Variants in ATP11A observed in about 807,000 individuals in gnomAD.
ATP11A encodes the protein phospholipid-transporting ATPase IH.
A neutral mutation model predicts 154.4 loss-of-function variants in ATP11A; 81 were observed. That is an observed-to-expected ratio of 0.52 (90% CI 0.44 to 0.63). The LOEUF (loss-of-function observed/expected upper bound fraction) is 0.63. Ranked by LOEUF, ATP11A falls within the 30% of genes least tolerant of loss-of-function variation. The probability of loss-of-function intolerance (pLI) is 0.00; values close to 1 mark genes in which losing one functional copy is unlikely to be tolerated. For synonymous variants in ATP11A, 623 were observed against 585.9 expected, an observed-to-expected ratio of 1.06 and a Z score of -0.91; for missense variants, 1,316 against 1,474.3, an observed-to-expected ratio of 0.89 and a Z score of 1.76.
chr13:112,869,530 A>T (rs562570766), intron 25 of ATP11A, among the ~76,000 whole-genome samples: 2 of 152,346 alleles, frequency 1.3e-5, no homozygotes, highest in South Asian at 4.1e-4. Flanking sequence ...ACACTGCTTC[A>T]CAGGGCACCC....
chr13:112,850,667 TAA>T (rs36077773), intron 17 of ATP11A, among the ~76,000 whole-genome samples: 1 of 147,872 alleles, frequency 6.8e-6, no homozygotes, highest in Non-Finnish European at 1.5e-5. Flanking sequence ...TGATTATCCT[TAA>T]AAAAAAAAGG....
chr13:112,875,678 A>T lies in ATP11A; in HGVS notation c.3162-98A>T. The T allele has an allele frequency of 7.3e-7, 1 of 1,368,236 alleles. No individual in the cohort carries two copies. The highest frequency in any genetic ancestry group is 1.4e-5 in the African/African-American group (1 of 69,160). 84.8% of individuals were successfully genotyped at this position (1,368,236 alleles called of 1,614,324 possible). On this transcript the variant is annotated intron_variant, in intron 27 of 29. Coordinates refer to ENST00000375645, the MANE Select transcript of ATP11A (RefSeq NM_015205.3). The surrounding 1 kb of genome is among the most constrained non-coding windows in gnomAD (Gnocchi z 4.1). ...TTGCCAAGCAACTCTCACTGACAAA[A>T]GTGTAAACTCCCTGAACAGACGGCC...
chr13:112,860,549 TG>T, intron 24 of ATP11A, 135 bp downstream of exon 24: 2 of 1,042,922 alleles, frequency 1.9e-6, no homozygotes, highest in Non-Finnish European at 2.8e-6. Context: ...TATTCTTGCT[TG>T]ATCAGGAGCT....
chr13:112,717,879 C>G (rs927426402), intron 1 of ATP11A, among the ~76,000 whole-genome samples: 1 of 152,216 alleles, frequency 6.6e-6, no homozygotes, highest in Non-Finnish European at 1.5e-5. Context: ...GAGTTTGAGA[C>G]CAGCCTGACC....
In ATP11A at chr13:112,859,654, G is replaced by C. The variant is rs965241709; in HGVS notation, c.2727+202G>C. 2.0e-5 allele frequency among the ~76,000 whole-genome samples: 3 copies of C among 152,210 alleles called. No individual in the cohort carries two copies. Among genetic ancestry groups the C allele is most frequent in the African/African-American group, 7.2e-5 (3 of 41,444 alleles). On this transcript the variant is annotated intron_variant, in intron 23 of 29. Coordinates refer to ENST00000375645, the MANE Select transcript of ATP11A (RefSeq NM_015205.3). The surrounding 1 kb of genome is among the most constrained non-coding windows in gnomAD (Gnocchi z 4.3). ...GGAGCTGAGGAGTTGCCGTCCTGGA[G>C]GCCCCTTGTTCCATGTCTTCTGAAA... is the stretch of plus-strand genomic sequence containing the variant.
Position 112,875,328 on chromosome 13 carries a change from C to T in ATP11A, c.3162-448C>T, listed in dbSNP as rs946443142. 1.3e-5 allele frequency among the ~76,000 whole-genome samples: 2 copies of T among 152,198 alleles called. No individual in the cohort carries two copies. The highest frequency in any genetic ancestry group is 4.8e-5 in the African/African-American group (2 of 41,452). On this transcript the variant is annotated intron_variant, in intron 27 of 29. Coordinates refer to ENST00000375645, the MANE Select transcript of ATP11A (RefSeq NM_015205.3). This position sits in a 1 kb window ranked among gnomAD's most constrained non-coding sequence, Gnocchi z 4.1. ...CACTGGTCCCTGCATCCTTGCCAGCCTCCCTCATGGAGGCTGACGCAGACG... is the reference window on the plus strand; with the variant it reads ...CACTGGTCCCTGCATCCTTGCCAGCTTCCCTCATGGAGGCTGACGCAGACG...
In ATP11A at chr13:112,807,186, C is replaced by T. The variant is rs909143636; in HGVS notation, c.333+893C>T. Among the ~76,000 whole-genome samples the T allele has an allele frequency of 7.2e-5, 11 of 152,212 alleles. No homozygotes were observed. The highest frequency in any genetic ancestry group is 1.0e-4 in the Non-Finnish European group (7 of 68,042). On this transcript the variant is annotated intron_variant, in intron 4 of 29. Transcript: ENST00000375645. The surrounding 1 kb of genome is among the most constrained non-coding windows in gnomAD (Gnocchi z 4.5). ...AGGCACCACGGGCCGCCGGCAGGAG[C>T]GTGGCGGAGCCACCAAGCACAGCAG...
At chr13:112,707,180 C>T (rs1021337001) in intron 1 of ATP11A, among the ~76,000 whole-genome samples, 2 of 152,214 alleles carry the variant, frequency 1.3e-5, no homozygotes, top group African/African-American at 4.8e-5. Flanking sequence ...CTTTGGGAGG[C>T]CGAGGCAGAT....
chr13:112,713,272 G>C (rs1887974909), intron 1 of ATP11A, among the ~76,000 whole-genome samples: 1 of 152,140 alleles, frequency 6.6e-6, no homozygotes, highest in South Asian at 2.1e-4. Flanking sequence ...GTGGGCGCCT[G>C]TAATCCCAGC....
chr13:112,810,541 C>G, intron 4 of ATP11A, 78 bp from the exon 5 acceptor site: 3 of 1,203,292 alleles, frequency 2.5e-6, no homozygotes, highest in Non-Finnish European at 3.7e-6. Context: ...TAAACACAAG[C>G]CTTCTGTCTC....
At chr13:112,727,009 G>A (rs4907747) in intron 1 of ATP11A, among the ~76,000 whole-genome samples, 3 of 152,138 alleles carry the variant, frequency 2.0e-5, no homozygotes, top group Non-Finnish European at 4.4e-5. Context: ...ACTATAACTT[G>A]GGGTTGTAGG....
chr13:112,718,927 G>A (rs913562496), intron 1 of ATP11A, among the ~76,000 whole-genome samples: 3 of 152,112 alleles, frequency 2.0e-5, no homozygotes, highest in Non-Finnish European at 2.9e-5. Context: ...CTATCCACCC[G>A]CCTTGCCCTC....
intron 1 of ATP11A, among the ~76,000 whole-genome samples, chr13:112,738,197 A>AC (rs1891184991): frequency 6.6e-6 from 1 of 151,730 alleles, no homozygotes; most frequent in African/African-American, 2.4e-5. Context: ...ACATGGTGAA[A>AC]CCCCGTCTCT....
At chr13:112,730,972 GTTACCCAGGCTGGAGTGCTGTGGCGCGA>G (rs1353177603) in intron 1 of ATP11A, among the ~76,000 whole-genome samples, 1 of 152,150 alleles carries the variant, frequency 6.6e-6, no homozygotes, top group Non-Finnish European at 1.5e-5. Context: ...GTCTTGCTAA[GTTACCCAGGCTGGAGTGCTGTGGCGCGA>G]TCTCTGCTCA....
At chr13:112,795,957 T>C (rs547783174) in intron 2 of ATP11A, among the ~76,000 whole-genome samples, 1 of 152,354 alleles carries the variant, frequency 6.6e-6, no homozygotes, top group East Asian at 1.9e-4. Flanking sequence ...GAAGTCTATG[T>C]GTTTCATAGT....
intron 1 of ATP11A, among the ~76,000 whole-genome samples, chr13:112,749,470 T>G (rs2076638655): frequency 6.6e-6 from 1 of 152,248 alleles, no homozygotes. Context: ...TTACTAAAAG[T>G]TGCAACTTGT....
chr13:112,835,566 A>T (rs1336754033), intron 15 of ATP11A, among the ~76,000 whole-genome samples: 1 of 152,130 alleles, frequency 6.6e-6, no homozygotes, highest in Non-Finnish European at 1.5e-5. Flanking sequence ...GAGAGCCCCC[A>T]TCAGGGCTCT....
Position 112,875,137 on chromosome 13 carries a change from T to G in ATP11A, c.3162-639T>G, listed in dbSNP as rs75602614. Among the ~76,000 whole-genome samples, 4,017 of 152,244 alleles carry G rather than the reference T, an allele frequency of 0.026. 166 individuals carry two copies. Among genetic ancestry groups the G allele is most frequent in the African/African-American group, 0.092 (3,838 of 41,536 alleles). ...TTACCCACCATGCCCTGCTTCCGTT[T>G]CCCTCCTGTTGTCCACACACCAGTT... On this transcript the variant is annotated intron_variant, in intron 27 of 29. Coordinates refer to ENST00000375645, the MANE Select transcript of ATP11A (RefSeq NM_015205.3). The surrounding 1 kb of genome is among the most constrained non-coding windows in gnomAD (Gnocchi z 4.1).
In ATP11A at chr13:112,819,367, G is replaced by A. The variant is rs183829464; in HGVS notation, c.634G>A (p.Ala212Thr). Reference sequence around the variant, plus strand: ...AGAGGAGGATATCGGCGGACTTCACGCCACCATCGAGTGTGAGCAGCCCCA... The same window carrying A: ...AGAGGAGGATATCGGCGGACTTCACACCACCATCGAGTGTGAGCAGCCCCA... ...HTEEDIGGLHATIECEQPQPD... is the reference protein window; with the variant it reads ...HTEEDIGGLHTTIECEQPQPD... Residue 212 changes from alanine (A) to threonine (T), a missense_variant, in exon 7 of 30, where the codon GCC becomes ACC. Ala to Thr is a moderately conservative substitution (Grantham distance 58). Around this residue, in one of 5 missense-constraint regions of ATP11A, gnomAD observed 876 missense variants for 1,006.8 expected, o/e 0.87. Coordinates refer to ENST00000375645, the MANE Select transcript of ATP11A (RefSeq NM_015205.3). 1.6e-5 allele frequency: 26 copies of A among 1,614,196 alleles called. No individual in the cohort carries two copies. Among genetic ancestry groups the A allele is most frequent in the Admixed American group, 3.3e-5 (2 of 60,022 alleles).
Sources: allele counts gnomAD v4.1 joint callset (sites outside exome capture counted in the v4.1 genomes callset), GRCh38; gene constraint gnomAD v4.1.1; regional missense constraint gnomAD v4.1.1; non-coding constraint Gnocchi (gnomAD v3.1); transcripts MANE v1.5; gene names NCBI Gene and HGNC (gene_info 2026-07-23, HGNC 2026-07-21).